PCDHGA1: variants seen among roughly 807,000 people sequenced by gnomAD.
PCDHGA1 encodes protocadherin gamma-A1.
A neutral mutation model predicts 58.0 loss-of-function variants in PCDHGA1; 32 were observed. That is an observed-to-expected ratio of 0.55 (90% confidence interval 0.42 to 0.74). PCDHGA1 has a LOEUF of 0.74. PCDHGA1 is among the 30% of genes least tolerant of loss of function. The pLI, the probability that PCDHGA1 is intolerant of heterozygous loss-of-function variation, is 0.00. For missense variants in PCDHGA1, 1,205 were observed against 1,182.3 expected, an observed-to-expected ratio of 1.02 and a Z score of -0.28; for synonymous variants, 498 against 501.1, an observed-to-expected ratio of 0.99 and a Z score of 0.08.
At chr5:141,352,725 C>T (rs773412097) in intron 1 of PCDHGA1, 4 of 1,528,522 alleles carry the variant, frequency 2.6e-6, no homozygotes, top group Non-Finnish European at 3.5e-6. Flanking sequence ...CGCGGTGGCT[C>T]AAGCCTGTAA....
Position 141,333,029 on chromosome 5 carries a change from A to G in PCDHGA1, c.2345A>G (p.Gln782Arg), listed in dbSNP as rs747927516. 6.2e-7 allele frequency: 1 copy of G among 1,614,254 alleles called. No individual in the cohort carries two copies. The highest frequency in any genetic ancestry group is 8.5e-7 in the Non-Finnish European group (1 of 1,180,050). The change falls in exon 1 of 4, where the codon CAG becomes CGG. Residue 782 changes from glutamine (Q) to arginine (R), a missense_variant. Transcript: ENST00000517417. ...AACTATGCGGACACACTCATCAGCC[A>G]GGAGAGCTGTGAGAAAAAGGGTTTT... The part of the protein sequence containing the change: ...QPNYADTLIS[Q>R]ESCEKKGFLS...
At chr5:141,421,469 G>A in intron 1 of PCDHGA1, 1 of 1,614,122 alleles carries the variant, frequency 6.2e-7, no homozygotes, top group Non-Finnish European at 8.5e-7. Flanking sequence ...GTGAATCCGC[G>A]AAGCGGCAGC....
chr5:141,356,310 C>A lies in PCDHGA1; in HGVS notation c.2421+23205C>A, dbSNP rs1396473104. ...CGGGTACAGTAATTGCACTTTTCAA[C>A]GTGCATGACAGTGACTCAGGAGGAA... On this transcript the variant is annotated intron_variant, in intron 1 of 3. Transcript: ENST00000517417. 7.7e-6 allele frequency: 12 copies of A among 1,553,978 alleles called. No homozygotes were observed. The highest frequency in any genetic ancestry group is 2.7e-5 in the African/African-American group (2 of 73,252).
chr5:141,344,537 G>A (rs541708847), intron 1 of PCDHGA1: 1 of 1,614,024 alleles, frequency 6.2e-7, no homozygotes, highest in African/African-American at 1.3e-5. Flanking sequence ...ACTCCCTGCA[G>A]AACTACAAGC....
chr5:141,399,794 C>G, intron 1 of PCDHGA1: 1 of 1,613,268 alleles, frequency 6.2e-7, no homozygotes, highest in South Asian at 1.1e-5. Flanking sequence ...GACAACGCAC[C>G]GCGGGTGCTG....
Position 141,477,763 on chromosome 5 carries a change from C to G in PCDHGA1, c.2422-17044C>G, listed in dbSNP as rs763322593. The G allele has an allele frequency of 6.2e-7, 1 of 1,614,012 alleles. No homozygotes were observed. Among genetic ancestry groups the G allele is most frequent in the Non-Finnish European group, 8.5e-7 (1 of 1,180,032 alleles). Reference sequence around the variant, plus strand: ...ATGGGGGCACCCCGGTCCTAGCCACCAACATCAGCGTGAACATATTTGTCA... The same window carrying G: ...ATGGGGGCACCCCGGTCCTAGCCACGAACATCAGCGTGAACATATTTGTCA... On this transcript the variant is annotated intron_variant, in intron 1 of 3. Transcript: ENST00000517417. This position sits in a 1 kb window ranked among gnomAD's most constrained non-coding sequence, Gnocchi z 4.9.
chr5:141,494,903 G>A (rs760748707), intron 2 of PCDHGA1, 38 bp downstream of exon 2: 39 of 1,613,894 alleles, frequency 2.4e-5, no homozygotes, highest in Non-Finnish European at 3.1e-5. Context: ...TCTTCTCTGC[G>A]GCATTTTCTC....
At chr5:141,469,415 A>C (rs2099200751) in intron 1 of PCDHGA1, among the ~76,000 whole-genome samples, 1 of 152,116 alleles carries the variant, frequency 6.6e-6, no homozygotes, top group Admixed American at 6.5e-5. Flanking sequence ...TTTCTACTAA[A>C]AATATAAAAC....
At chr5:141,351,721 T>C (rs770021932) in intron 1 of PCDHGA1, 1 of 1,613,810 alleles carries the variant, frequency 6.2e-7, no homozygotes, top group East Asian at 2.2e-5. Flanking sequence ...CCTACTCTAT[T>C]CTGGCCAGTG....
chr5:141,393,019 G>A (rs1415257415), intron 1 of PCDHGA1: 1 of 1,613,746 alleles, frequency 6.2e-7, no homozygotes, highest in African/African-American at 1.3e-5. Flanking sequence ...ATCGTCTCCA[G>A]AGGTAGGACG....
In PCDHGA1 at chr5:141,360,167, T is replaced by G. The variant is rs937249062; in HGVS notation, c.2421+27062T>G. The stretch of plus-strand genomic sequence containing the variant: ...GCGAGCTCAGGGAGGTGCGGGCTGG[T>G]GCGGTGGCTGCAGGTACTGTTGCCC... On this transcript the variant is annotated intron_variant, in intron 1 of 3. Transcript: ENST00000517417. 3 of 1,607,514 alleles carry G rather than the reference T, an allele frequency of 1.9e-6. No homozygotes were observed. The African/African-American group carries it at 4.0e-5, about 22-fold the overall frequency.
rs200464357 is a variant in PCDHGA1 at position 141,489,983 on chromosome 5, G to A, written c.2422-4824G>A. 4.5e-5 allele frequency: 73 copies of A among 1,614,172 alleles called. No homozygotes were observed. Among genetic ancestry groups the A allele is most frequent in the Middle Eastern group, 3.3e-4 (2 of 6,062 alleles). ...CCAACCTTCCAATCCTCAGTTCTAC[G>A]TGTGGGAATCCCAGAGAATGCACCC... On this transcript the variant is annotated intron_variant, in intron 1 of 3. Coordinates refer to ENST00000517417, the MANE Select transcript of PCDHGA1 (RefSeq NM_018912.3). This position sits in a 1 kb window ranked among gnomAD's most constrained non-coding sequence, Gnocchi z 4.5.
intron 1 of PCDHGA1, chr5:141,372,478 C>T (rs548499010): frequency 6.2e-7 from 1 of 1,614,068 alleles, no homozygotes; most frequent in South Asian, 1.1e-5. Context: ...CTAGTAGTGG[C>T]GTTGGCCTTG....
At chr5:141,510,321 CA>C (rs1376271166) in intron 3 of PCDHGA1, among the ~76,000 whole-genome samples, 1 of 150,840 alleles carries the variant, frequency 6.6e-6, no homozygotes, top group Non-Finnish European at 1.5e-5. Context: ...CTTGGAAGAG[CA>C]CTCTTCACCC....
In PCDHGA1 at chr5:141,493,468, T is replaced by C. The variant is rs960204561; in HGVS notation, c.2422-1339T>C. On this transcript the variant is annotated intron_variant, in intron 1 of 3. Transcript: ENST00000517417. The surrounding 1 kb of genome is among the most constrained non-coding windows in gnomAD (Gnocchi z 4.3). ...TGGGGTTCCTTCCCTTTTAGGACCT[T>C]ACATGTGGGGAAAGTCTTCTGTGGC... Among the ~76,000 whole-genome samples the C allele has an allele frequency of 4.6e-5, 7 of 152,144 alleles. No individual in the cohort carries two copies. Among genetic ancestry groups the C allele is most frequent in the African/African-American group, 1.4e-4 (6 of 41,426 alleles).
In PCDHGA1 at chr5:141,432,695, G is replaced by A. The variant is rs1275179569; in HGVS notation, c.2422-62112G>A. ...GCTCAAGCAGAGCCTCGTAGTGGCC[G>A]TCCAGGACCACGGCCAGCCCCCTCT... On this transcript the variant is annotated intron_variant, in intron 1 of 3. Coordinates refer to ENST00000517417, the MANE Select transcript of PCDHGA1 (RefSeq NM_018912.3). This position sits in a 1 kb window ranked among gnomAD's most constrained non-coding sequence, Gnocchi z 6.0. The A allele has an allele frequency of 3.1e-6, 5 of 1,613,822 alleles. No homozygotes were observed. The highest frequency in any genetic ancestry group is 1.7e-5 in the Admixed American group (1 of 60,002).
In PCDHGA1 at chr5:141,341,305, G is replaced by A. The variant is rs773019891; in HGVS notation, c.2421+8200G>A. 8.2e-5 allele frequency: 132 copies of A among 1,614,098 alleles called. 1 individual carries two copies. The highest frequency in any genetic ancestry group is 4.0e-4 in the East Asian group (18 of 44,896). Reference sequence around the variant, plus strand: ...TCCCCCAGCCCAACTATGCGGACACGCTCATCAGCCAGGAGAGCTGTGAGA... The same window carrying A: ...TCCCCCAGCCCAACTATGCGGACACACTCATCAGCCAGGAGAGCTGTGAGA... On this transcript the variant is annotated intron_variant, in intron 1 of 3. Transcript: ENST00000517417.
At chr5:141,441,386 G>A (rs2098243752) in intron 1 of PCDHGA1, 1 of 153,358 alleles carries the variant, frequency 6.5e-6, no homozygotes, top group African/African-American at 2.4e-5. Flanking sequence ...ACAGACCCAA[G>A]GTATAACATC....
intron 1 of PCDHGA1, chr5:141,419,487 G>T: frequency 6.2e-7 from 1 of 1,612,378 alleles, no homozygotes. Context: ...CCCGCGCTCA[G>T]CGCCAATGTG....
Sources: allele counts gnomAD v4.1 joint callset (sites outside exome capture counted in the v4.1 genomes callset), GRCh38; gene constraint gnomAD v4.1.1; non-coding constraint Gnocchi (gnomAD v3.1); transcripts MANE v1.5; gene names NCBI Gene and HGNC (gene_info 2026-07-23, HGNC 2026-07-21).